CAMK2B: variants seen among roughly 807,000 people sequenced by gnomAD.
The protein encoded by CAMK2B is calcium/calmodulin-dependent protein kinase type II subunit beta.
A neutral mutation model predicts 93.7 loss-of-function variants in CAMK2B; 27 were observed. That is an observed-to-expected ratio of 0.29 (90% CI 0.21 to 0.40). The LOEUF (loss-of-function observed/expected upper bound fraction) is 0.40. CAMK2B is among the 10% of genes least tolerant of loss of function. The probability of loss-of-function intolerance (pLI) is 1.00; values close to 1 mark genes in which losing one functional copy is unlikely to be tolerated. For synonymous variants in CAMK2B, 374 were observed against 358.8 expected, an observed-to-expected ratio of 1.04 and a Z score of -0.48; for missense variants, 568 against 895.8, an observed-to-expected ratio of 0.63 and a Z score of 4.67.
chr7:44,306,198 G>GGGTT (rs1458359025), intron 1 of CAMK2B, among the ~76,000 whole-genome samples: 1 of 152,064 alleles, frequency 6.6e-6, no homozygotes, highest in African/African-American at 2.4e-5. Flanking sequence ...GTCTGACTGG[G>GGGTT]GGTTCTGAAA....
chr7:44,286,263 G>C lies in CAMK2B; in HGVS notation c.66-2038C>G, dbSNP rs972564935. Among the ~76,000 whole-genome samples the C allele has an allele frequency of 6.6e-6, 1 of 152,120 alleles. No individual in the cohort carries two copies. The highest frequency in any genetic ancestry group is 1.5e-5 in the Non-Finnish European group (1 of 68,022). ...CATCTGTCACGCTCTGACCCCTAGA[G>C]GGCTCAGCGGCCACAGGGCTGACGT... On this transcript the variant is annotated intron_variant, in intron 1 of 23. Transcript: ENST00000395749. This position sits in a 1 kb window ranked among gnomAD's most constrained non-coding sequence, Gnocchi z 4.0.
In CAMK2B at chr7:44,230,995, A is replaced by T. The variant is rs1209225221; in HGVS notation, c.1225+11T>A. On this transcript the variant is annotated intron_variant, in intron 17 of 23. Transcript: ENST00000395749. ...AGGCCGCTGGGGGGGCAAGGACTCA[A>T]GTGCAGGTACCTTTAGCGTCTTCAT... 1.9e-6 allele frequency: 3 copies of T among 1,552,650 alleles called. No homozygotes were observed. The highest frequency in any genetic ancestry group is 2.6e-6 in the Non-Finnish European group (3 of 1,147,750).
Position 44,286,169 on chromosome 7 carries a change from C to T in CAMK2B, c.66-1944G>A, listed in dbSNP as rs1032909504. 5.9e-5 allele frequency among the ~76,000 whole-genome samples: 9 copies of T among 152,060 alleles called. No homozygotes were observed. Among genetic ancestry groups the T allele is most frequent in the African/African-American group, 1.9e-4 (8 of 41,396 alleles). The stretch of plus-strand genomic sequence containing the variant: ...TGAGCAGAAGAGCCTTCCGGGGCCA[C>T]TGTGTGGCTGTTTGCCGGACTTCTT... On this transcript the variant is annotated intron_variant, in intron 1 of 23. Coordinates refer to ENST00000395749, the MANE Select transcript of CAMK2B (RefSeq NM_001220.5). The surrounding 1 kb of genome is among the most constrained non-coding windows in gnomAD (Gnocchi z 4.0).
rs116183695 is a variant in CAMK2B, at chr7:44,280,380, G to A, written c.160+3751C>T. On this transcript the variant is annotated intron_variant, in intron 2 of 23. Coordinates refer to ENST00000395749, the MANE Select transcript of CAMK2B (RefSeq NM_001220.5). ...CATATGTCACCAGGCCACAGGGCAC[G>A]AGGTGGTGCTACCTCACACGTATGG... is the stretch of plus-strand genomic sequence containing the variant. 4.2e-3 allele frequency among the ~76,000 whole-genome samples: 644 copies of A among 152,306 alleles called. 6 individuals are homozygous for A. Among genetic ancestry groups the A allele is most frequent in the African/African-American group, 0.013 (554 of 41,564 alleles).
intron 1 of CAMK2B, among the ~76,000 whole-genome samples, chr7:44,292,079 A>G (rs1422003914): frequency 6.6e-6 from 1 of 152,198 alleles, no homozygotes; most frequent in African/African-American, 2.4e-5. Flanking sequence ...GAAGGCAGAG[A>G]TTAGGGCTGG....
Position 44,225,193 on chromosome 7 carries a change from C to T in CAMK2B, c.1597+1323G>A, listed in dbSNP as rs2096460383. Among the ~76,000 whole-genome samples, 1 of 152,178 alleles carries T rather than the reference C, an allele frequency of 6.6e-6. No individual in the cohort carries two copies. The highest frequency in any genetic ancestry group is 1.5e-5 in the Non-Finnish European group (1 of 68,006). ...CCAGATACTGCACAGACCTTGAGGGCAGGCTGCAGTCCTGGGCTGGGGTCA... is the reference window on the plus strand; with the variant it reads ...CCAGATACTGCACAGACCTTGAGGGTAGGCTGCAGTCCTGGGCTGGGGTCA... On this transcript the variant is annotated intron_variant, in intron 20 of 23. Coordinates refer to ENST00000395749, the MANE Select transcript of CAMK2B (RefSeq NM_001220.5). This position sits in a 1 kb window ranked among gnomAD's most constrained non-coding sequence, Gnocchi z 5.0.
At chr7:44,320,719 G>C (rs575369181) in intron 1 of CAMK2B, among the ~76,000 whole-genome samples, 1 of 152,166 alleles carries the variant, frequency 6.6e-6, no homozygotes, top group Admixed American at 6.5e-5. Context: ...CAGCATGTGC[G>C]ACTTCTTTTT....
At chr7:44,309,460 T>A (rs1792880630) in intron 1 of CAMK2B, among the ~76,000 whole-genome samples, 1 of 152,074 alleles carries the variant, frequency 6.6e-6, no homozygotes, top group African/African-American at 2.4e-5. Flanking sequence ...TGCGCCCCCA[T>A]CTCCCTCCTG....
At chr7:44,304,211 C>T (rs1790835648) in intron 1 of CAMK2B, among the ~76,000 whole-genome samples, 1 of 152,176 alleles carries the variant, frequency 6.6e-6, no homozygotes. Context: ...TAAAAATATT[C>T]TTTACCTTAC....
intron 17 of CAMK2B, 114 bp downstream of exon 17, chr7:44,230,892 C>T: frequency 1.2e-6 from 1 of 857,612 alleles, no homozygotes. Context: ...CCCCTCAACA[C>T]ATGCATAAAC....
At chr7:44,239,486 G>T in intron 13 of CAMK2B, 103 bp downstream of exon 13, 2 of 1,077,716 alleles carry the variant, frequency 1.9e-6, no homozygotes, top group Non-Finnish European at 1.4e-6. Context: ...GCGGCCTCTG[G>T]GGCGGCTCTG....
At chr7:44,228,994 GC>G in intron 18 of CAMK2B, 70 bp from the exon 19 acceptor site, 1 of 1,463,642 alleles carries the variant, frequency 6.8e-7, no homozygotes, top group Non-Finnish European at 9.5e-7. Context: ...GGCGGAGGAG[GC>G]CAGTGGGAGG....
intron 1 of CAMK2B, among the ~76,000 whole-genome samples, chr7:44,293,156 C>T (rs1440243228): frequency 2.0e-5 from 3 of 152,240 alleles, no homozygotes; most frequent in African/African-American, 7.2e-5. Context: ...CCACTCGCTT[C>T]AGTGCATCAA....
intron 1 of CAMK2B, among the ~76,000 whole-genome samples, chr7:44,309,788 G>A (rs761425413): frequency 6.6e-6 from 1 of 152,232 alleles, no homozygotes; most frequent in Non-Finnish European, 1.5e-5. Flanking sequence ...AGAAACTGGG[G>A]ACGAGAGAGA....
chr7:44,223,386 C>T (rs1017871081), intron 20 of CAMK2B, among the ~76,000 whole-genome samples: 6 of 152,158 alleles, frequency 3.9e-5, no homozygotes, highest in African/African-American at 4.8e-5. Flanking sequence ...TGGTGGACCC[C>T]GGAAAGCTGG....
rs551533872 is a variant in CAMK2B at position 44,244,821 on chromosome 7, C to G, written c.415-1294G>C. The G allele has an allele frequency of 2.8e-4, 112 of 406,542 alleles. 5 individuals are homozygous for G. The highest frequency in any genetic ancestry group is 1.5e-3 in the South Asian group (86 of 57,548). The allele number at this position is 406,542 out of a possible 1,614,324, so 25.2% of individuals were successfully genotyped here. ...CTCCAGCCACGCCCTACTGAGCAGG[C>G]GGGATGAGGCCGTGTGCCCCCTTGA... On this transcript the variant is annotated intron_variant, in intron 6 of 23. Transcript: ENST00000395749.
intron 13 of CAMK2B, among the ~76,000 whole-genome samples, chr7:44,236,149 G>C (rs1250325628): frequency 6.6e-6 from 1 of 152,188 alleles, no homozygotes; most frequent in Non-Finnish European, 1.5e-5. Flanking sequence ...GTGGAGATCA[G>C]GAGGCTGCAC....
chr7:44,274,934 G>A (rs1479626498), intron 2 of CAMK2B, among the ~76,000 whole-genome samples: 2 of 152,218 alleles, frequency 1.3e-5, no homozygotes, highest in Admixed American at 1.3e-4. Context: ...CAGGCAGCAT[G>A]GAGGGCAACC....
Position 44,228,848 on chromosome 7 carries a change from C to T in CAMK2B, c.1416G>A (p.Ala472=), listed in dbSNP as rs200217668. The change falls in exon 19 of 24, where the codon GCG becomes GCA. Residue 472 remains alanine, a synonymous_variant. Transcript: ENST00000395749. ...CCGGAGACAGGCAGGGCGGGGGCCC[C>T]GCTGAGAGGGGGCCCTCGGCTTCTG... is the stretch of plus-strand genomic sequence containing the variant. ...GTPEAEGPLS[A]GPPPCLSPAL... is the part of the protein sequence containing the mutation. 1.3e-5 allele frequency: 20 copies of T among 1,509,264 alleles called. No homozygotes were observed. Among genetic ancestry groups the T allele is most frequent in the African/African-American group, 8.4e-5 (6 of 71,838 alleles). 93.5% of individuals were successfully genotyped at this position (1,509,264 alleles called of 1,614,324 possible). A position where few individuals can be genotyped will look rare whatever the true frequency, so the allele number is the denominator to read the frequency against.
Sources: gnomAD v4.1 joint callset for allele counts (sites outside exome capture counted in the v4.1 genomes callset) on GRCh38, gnomAD v4.1.1 for gene constraint, Gnocchi (gnomAD v3.1) non-coding constraint, MANE v1.5 for transcripts, NCBI Gene and HGNC (gene_info 2026-07-23, HGNC 2026-07-21) for gene names.